ZC3H12C: variants seen among roughly 807,000 people sequenced by gnomAD.
The protein encoded by ZC3H12C is probable ribonuclease ZC3H12C.
A neutral mutation model predicts 76.3 loss-of-function variants in ZC3H12C; 20 were observed. The observed-to-expected ratio is 0.26, with a 90% CI of 0.18 to 0.38. ZC3H12C has a LOEUF of 0.38. Ranked by LOEUF, ZC3H12C falls within the 10% of genes least tolerant of loss-of-function variation. The pLI, the probability that ZC3H12C is intolerant of heterozygous loss-of-function variation, is 1.00. For synonymous variants in ZC3H12C, 352 were observed against 399.6 expected, an observed-to-expected ratio of 0.88 and a Z score of 1.42; for missense variants, 874 against 1,086.5, an observed-to-expected ratio of 0.80 and a Z score of 2.75.
intron 1 of ZC3H12C, among the ~76,000 whole-genome samples, chr11:110,133,716 A>G (rs532456109): frequency 2.0e-5 from 3 of 152,178 alleles, no homozygotes; most frequent in South Asian, 2.1e-4. Flanking sequence ...TGAAAATCCT[A>G]TTTTCCGCCT....
intron 1 of ZC3H12C, among the ~76,000 whole-genome samples, chr11:110,102,250 T>A (rs1013105718): frequency 1.3e-5 from 2 of 148,420 alleles, no homozygotes; most frequent in African/African-American, 5.0e-5. Flanking sequence ...TGGAAAGGAT[T>A]TACCATACTA....
intron 1 of ZC3H12C, among the ~76,000 whole-genome samples, chr11:110,105,295 G>C (rs1450446855): frequency 6.6e-6 from 1 of 152,042 alleles, no homozygotes; most frequent in East Asian, 1.9e-4. Flanking sequence ...GATACTTTAT[G>C]CAATTTTGAT....
intron 1 of ZC3H12C, among the ~76,000 whole-genome samples, chr11:110,096,789 A>AAT (rs1373013693): frequency 6.6e-6 from 1 of 152,232 alleles, no homozygotes; most frequent in Non-Finnish European, 1.5e-5. Flanking sequence ...GTAGTAGGAC[A>AAT]ATACAGAAAT....
rs1208538017 is a variant in ZC3H12C at position 110,171,772 on chromosome 11, A to G, written c.*6035A>G. 1 of 152,198 alleles carries G rather than the reference A, an allele frequency of 6.6e-6. No individual in the cohort carries two copies. Among genetic ancestry groups the G allele is most frequent in the Non-Finnish European group, 1.5e-5 (1 of 68,036 alleles). 9.4% of individuals were successfully genotyped at this position (152,198 alleles called of 1,614,324 possible). A position where few individuals can be genotyped will look rare whatever the true frequency, so the allele number is the denominator to read the frequency against. Reference sequence around the variant, plus strand: ...TAAGATAAACACATGGTCAGTATCAATGTAAATGTTAGAGCCATGATTAAT... The same window carrying G: ...TAAGATAAACACATGGTCAGTATCAGTGTAAATGTTAGAGCCATGATTAAT... On this transcript the variant is annotated 3_prime_UTR_variant, in exon 6 of 6. Coordinates refer to ENST00000278590, the MANE Select transcript of ZC3H12C (RefSeq NM_033390.2).
At chr11:110,137,493 C>T in intron 2 of ZC3H12C, 79 bp downstream of exon 2, 1 of 1,434,294 alleles carries the variant, frequency 7.0e-7, no homozygotes, top group Non-Finnish European at 9.2e-7. Flanking sequence ...GGCTCTTTTC[C>T]TTCTCATGGT....
chr11:110,154,786 T>C (rs1343280149), intron 3 of ZC3H12C, among the ~76,000 whole-genome samples: 4 of 36,806 alleles, frequency 1.1e-4, no homozygotes, highest in Admixed American at 3.5e-4. Flanking sequence ...GAAAAAAAAA[T>C]CCAACAAAGA....
intron 2 of ZC3H12C, among the ~76,000 whole-genome samples, chr11:110,150,780 T>TA (rs1459858025): frequency 6.6e-6 from 1 of 152,158 alleles, no homozygotes; most frequent in Admixed American, 6.5e-5. Flanking sequence ...TTTCTTCTAG[T>TA]AATACTGTGA....
chr11:110,106,504 G>A (rs1389855469), intron 1 of ZC3H12C, among the ~76,000 whole-genome samples: 2 of 152,136 alleles, frequency 1.3e-5, no homozygotes, highest in African/African-American at 4.8e-5. Context: ...GTGATCTTGG[G>A]TAGGTTTCTT....
At chr11:110,099,071 A>G (rs189529220) in intron 1 of ZC3H12C, among the ~76,000 whole-genome samples, 14 of 152,300 alleles carry the variant, frequency 9.2e-5, no homozygotes, top group Admixed American at 4.6e-4. Flanking sequence ...TTTAACGTAC[A>G]CTAAGGATTT....
intron 1 of ZC3H12C, among the ~76,000 whole-genome samples, chr11:110,093,943 A>G (rs1861064704): frequency 6.6e-6 from 1 of 152,036 alleles, no homozygotes; most frequent in Admixed American, 6.5e-5. Context: ...CCCCAGGCCG[A>G]GCGTCACGAA....
At chr11:110,148,978 C>T (rs1862219197) in intron 2 of ZC3H12C, among the ~76,000 whole-genome samples, 1 of 152,144 alleles carries the variant, frequency 6.6e-6, no homozygotes, top group Admixed American at 6.5e-5. Context: ...TTGTATCTAG[C>T]ACGTATGATG....
At position 110,164,427 on chromosome 11, in the gene ZC3H12C, C is replaced by T. The variant is rs1196565410; in HGVS notation, c.1342C>T (p.Arg448Cys). 10 of 1,613,950 alleles carry T rather than the reference C, an allele frequency of 6.2e-6. No homozygotes were observed. Among genetic ancestry groups the T allele is most frequent in the Non-Finnish European group, 8.5e-6 (10 of 1,179,892 alleles). The change falls in exon 6 of 6, where the codon CGT (arginine) becomes TGT (cysteine). Residue 448 changes from arginine to cysteine, a missense_variant. Physicochemically the swap from Arg to Cys is radical, Grantham distance 180 (BLOSUM62 -3). Around this residue, in one of 3 missense-constraint regions of ZC3H12C, gnomAD observed 269 missense variants for 424.9 expected, o/e 0.63. Coordinates refer to ENST00000278590, the MANE Select transcript of ZC3H12C (RefSeq NM_033390.2). This position sits in a 1 kb window ranked among gnomAD's most constrained non-coding sequence, Gnocchi z 5.7. ...ACAGCGGTCAGTGGCTGATGAACTC[C>T]GTGCCATGTCTAGAAATACGGCAGC... ...QPQRSVADEL[R>C]AMSRNTAAKT... is the part of the protein sequence containing the mutation.
At chr11:110,109,773 C>T (rs1861394911) in intron 1 of ZC3H12C, among the ~76,000 whole-genome samples, 1 of 152,040 alleles carries the variant, frequency 6.6e-6, no homozygotes, top group South Asian at 2.1e-4. Context: ...ATTTTATTGT[C>T]ATTCATTTCT....
intron 1 of ZC3H12C, among the ~76,000 whole-genome samples, chr11:110,121,229 A>G (rs1235648018): frequency 1.3e-5 from 2 of 152,230 alleles, no homozygotes; most frequent in Non-Finnish European, 2.9e-5. Flanking sequence ...AAATAAATCC[A>G]GAAAATAGAT....
intron 1 of ZC3H12C, among the ~76,000 whole-genome samples, chr11:110,132,694 A>G (rs1441616256): frequency 6.6e-6 from 1 of 152,122 alleles, no homozygotes; most frequent in Non-Finnish European, 1.5e-5. Context: ...GAGTTTTTTG[A>G]TAACTATGGG....
At chr11:110,103,613 G>GT (rs889556854) in intron 1 of ZC3H12C, among the ~76,000 whole-genome samples, 268 of 138,092 alleles carry the variant, frequency 1.9e-3, no homozygotes, top group East Asian at 0.013. Flanking sequence ...GTTTTTTTTT[G>GT]TTTTTTTTTT....
Position 110,164,861 on chromosome 11 carries a change from G to A in ZC3H12C, c.1776G>A (p.Met592Ile). ...DSPVDIGYYSMLNAYSNLSLS... is the reference protein window; with the variant it reads ...DSPVDIGYYSILNAYSNLSLS... ...CTGTCGACATCGGATATTATTCCATGTTGAATGCATACTCAAATCTGAGTC... is the reference window on the plus strand; with the variant it reads ...CTGTCGACATCGGATATTATTCCATATTGAATGCATACTCAAATCTGAGTC... The change falls in exon 6 of 6, where the codon ATG becomes ATA. Residue 592 changes from methionine (M) to isoleucine (I), a missense_variant. Met to Ile is a conservative substitution (Grantham distance 10, BLOSUM62 1). Transcript: ENST00000278590. This position sits in a 1 kb window ranked among gnomAD's most constrained non-coding sequence, Gnocchi z 5.7. The A allele has an allele frequency of 3.1e-6, 5 of 1,614,014 alleles. No homozygotes were observed. The highest frequency in any genetic ancestry group is 4.2e-6 in the Non-Finnish European group (5 of 1,179,902).
Position 110,166,213 on chromosome 11 carries a change from T to A in ZC3H12C, c.*476T>A, listed in dbSNP as rs1477855213. ...TTAGACTCTTTTACAGCTTTTTAAGTTATTTTTATTTGGGGAAAGTGGGCT... is the reference window on the plus strand; with the variant it reads ...TTAGACTCTTTTACAGCTTTTTAAGATATTTTTATTTGGGGAAAGTGGGCT... On this transcript the variant is annotated 3_prime_UTR_variant, in exon 6 of 6. Coordinates refer to ENST00000278590, the MANE Select transcript of ZC3H12C (RefSeq NM_033390.2). 2 of 155,046 alleles carry A rather than the reference T, an allele frequency of 1.3e-5. No individual in the cohort carries two copies. The highest frequency in any genetic ancestry group is 3.8e-4 in the East Asian group (2 of 5,224). 9.6% of individuals were successfully genotyped at this position (155,046 alleles called of 1,614,324 possible).
chr11:110,121,078 A>G (rs1210408474), intron 1 of ZC3H12C, among the ~76,000 whole-genome samples: 1 of 152,246 alleles, frequency 6.6e-6, no homozygotes, highest in African/African-American at 2.4e-5. Context: ...GACTAATAAA[A>G]GTAACATCTC....
Sources: allele counts gnomAD v4.1 joint callset (sites outside exome capture counted in the v4.1 genomes callset), GRCh38; gene constraint gnomAD v4.1.1; regional missense constraint gnomAD v4.1.1; non-coding constraint Gnocchi (gnomAD v3.1); transcripts MANE v1.5; gene names NCBI Gene and HGNC (gene_info 2026-07-23, HGNC 2026-07-21).